Variants in NUDT19 observed in about 807,000 individuals in gnomAD.
NUDT19 encodes the protein nudix hydrolase 19.
In NUDT19, 31 loss-of-function variants were observed where a neutral mutation model predicts 22.2. The observed-to-expected ratio is 1.40, with a 90% CI of 1.05 to 1.89. The LOEUF (loss-of-function observed/expected upper bound fraction) is 1.89, where lower values mean the gene tolerates loss of function less well. NUDT19 is among the 40% of genes most tolerant of loss of function. NUDT19 has a pLI of 0.00. For missense variants in NUDT19, 752 were observed against 514.2 expected (o/e 1.46, Z -4.47); for synonymous variants, 325 against 230.8 (o/e 1.41, Z -3.70).
At chr19:32,693,118 T>C (rs1968221180) in intron 1 of NUDT19, among the ~76,000 whole-genome samples, 1 of 152,242 alleles carries the variant, frequency 6.6e-6, no homozygotes, top group Non-Finnish European at 1.5e-5. Flanking sequence ...TGTCCAGAAT[T>C]GGTTCCTTCC....
intron 1 of NUDT19, among the ~76,000 whole-genome samples, chr19:32,693,746 T>A (rs1244164976): frequency 2.0e-5 from 3 of 152,204 alleles, no homozygotes; most frequent in African/African-American, 7.2e-5. Flanking sequence ...GAGCACTGAT[T>A]GGTGCGTTTT....
chr19:32,703,935 T>C (rs1968361525), intron 1 of NUDT19, among the ~76,000 whole-genome samples: 1 of 152,146 alleles, frequency 6.6e-6, no homozygotes, highest in Admixed American at 6.6e-5. Flanking sequence ...AGTGCTGGGA[T>C]CACAGGCATG....
intron 1 of NUDT19, among the ~76,000 whole-genome samples, chr19:32,705,338 C>T (rs536124893): frequency 4.6e-5 from 7 of 150,764 alleles, no homozygotes; most frequent in East Asian, 4.0e-4. Context: ...GCAGGAGAAT[C>T]GCTTGAACCC....
intron 1 of NUDT19, among the ~76,000 whole-genome samples, chr19:32,706,571 TA>T (rs1968389272): frequency 6.6e-6 from 1 of 151,992 alleles, no homozygotes; most frequent in African/African-American, 2.4e-5. Flanking sequence ...TAATCCCAGC[TA>T]CTCGGGAGGC....
In NUDT19 at chr19:32,691,940, G is replaced by A; in HGVS notation, c.-21G>A. On this transcript the variant is annotated 5_prime_UTR_variant, in exon 1 of 3. Coordinates refer to ENST00000397061, the MANE Select transcript of NUDT19 (RefSeq NM_001105570.2). Reference sequence around the variant, plus strand: ...GTGGAGCTCAGGCCGCGCCAGAATCGGATCCGGGAAGCTGCGCGCCATGAG... The same window carrying A: ...GTGGAGCTCAGGCCGCGCCAGAATCAGATCCGGGAAGCTGCGCGCCATGAG... 1 of 1,210,266 alleles carries A rather than the reference G, an allele frequency of 8.3e-7. No homozygotes were observed. Among genetic ancestry groups the A allele is most frequent in the East Asian group, 3.3e-5 (1 of 30,496 alleles). The allele number at this position is 1,210,266 out of a possible 1,614,324, so 75.0% of individuals were successfully genotyped here.
intron 1 of NUDT19, among the ~76,000 whole-genome samples, chr19:32,708,669 C>T (rs1308411454): frequency 3.3e-5 from 5 of 152,130 alleles, no homozygotes; most frequent in Admixed American, 3.3e-4. Flanking sequence ...GCTTCACCGC[C>T]GTTGTACCAT....
chr19:32,695,285 T>G (rs1223167333), intron 1 of NUDT19, among the ~76,000 whole-genome samples: 1 of 152,172 alleles, frequency 6.6e-6, no homozygotes, highest in Non-Finnish European at 1.5e-5. Context: ...GTTCAAGCAA[T>G]TCTCCTGCCT....
intron 1 of NUDT19, among the ~76,000 whole-genome samples, chr19:32,694,783 C>A (rs1359287752): frequency 5.9e-5 from 9 of 152,222 alleles, no homozygotes; most frequent in Admixed American, 2.6e-4. Flanking sequence ...GTATAGATGG[C>A]TCCTTCCTGA....
intron 1 of NUDT19, among the ~76,000 whole-genome samples, chr19:32,701,789 C>T (rs950223100): frequency 1.3e-5 from 2 of 152,162 alleles, no homozygotes; most frequent in Non-Finnish European, 2.9e-5. Context: ...TATAGCCCCT[C>T]TGACTTTCTT....
intron 1 of NUDT19, among the ~76,000 whole-genome samples, chr19:32,704,603 T>G (rs890633194): frequency 1.3e-5 from 2 of 152,256 alleles, no homozygotes; most frequent in African/African-American, 4.8e-5. Context: ...TGTTGATCTT[T>G]TCCTTTGTAT....
At chr19:32,704,909 C>A (rs1279355057) in intron 1 of NUDT19, among the ~76,000 whole-genome samples, 1 of 151,338 alleles carries the variant, frequency 6.6e-6, no homozygotes, top group Non-Finnish European at 1.5e-5. Context: ...AAGTTCTAGA[C>A]CAGCCTGGCC....
At chr19:32,698,872 T>C (rs1234431006) in intron 1 of NUDT19, among the ~76,000 whole-genome samples, 1 of 152,168 alleles carries the variant, frequency 6.6e-6, no homozygotes, top group Non-Finnish European at 1.5e-5. Context: ...CCTGTTAGTA[T>C]TGGGACCTTA....
At chr19:32,701,835 A>T (rs1968339267) in intron 1 of NUDT19, among the ~76,000 whole-genome samples, 1 of 152,026 alleles carries the variant, frequency 6.6e-6, no homozygotes, top group Non-Finnish European at 1.5e-5. Flanking sequence ...ATCCTTTTAA[A>T]CTATCTGTGT....
rs776126058 is a variant in NUDT19 at position 32,709,343 on chromosome 19, G to A, written c.873G>A (p.Trp291Ter). 1 of 1,614,168 alleles carries A rather than the reference G, an allele frequency of 6.2e-7. No homozygotes were observed. ...GTGCATTAGAAGGACTGGAAAGGTGGCTGCCGATCATCTTGTTAACTGCTG... is the reference window on the plus strand; with the variant it reads ...GTGCATTAGAAGGACTGGAAAGGTGACTGCCGATCATCTTGTTAACTGCTG... ...LGRALEGLER[W>*]LPIILLTADG... The change falls in exon 2 of 3, where the codon TGG becomes TGA. Residue 291 changes from tryptophan (W) to a stop codon, truncating the protein, a stop_gained. Coordinates refer to ENST00000397061, the MANE Select transcript of NUDT19 (RefSeq NM_001105570.2). LOFTEE classifies it low-confidence loss of function (END_TRUNC).
At chr19:32,693,857 C>A (rs1599795655) in intron 1 of NUDT19, among the ~76,000 whole-genome samples, 1 of 152,304 alleles carries the variant, frequency 6.6e-6, no homozygotes, top group Non-Finnish European at 1.5e-5. Context: ...ACCTCTCAAT[C>A]CCGCCTCTAA....
intron 1 of NUDT19, among the ~76,000 whole-genome samples, chr19:32,704,201 G>T (rs149434358): frequency 0.011 from 1,665 of 151,630 alleles, 39 homozygotes; most frequent in African/African-American, 0.038. Context: ...TAAAAATATT[G>T]CTCCCTTATT....
chr19:32,697,302 G>A (rs146784963), intron 1 of NUDT19, among the ~76,000 whole-genome samples: 39 of 152,246 alleles, frequency 2.6e-4, no homozygotes, highest in African/African-American at 6.7e-4. Flanking sequence ...CCCAGGGCTC[G>A]CTTTTGGAGC....
Position 32,709,349 on chromosome 19 carries a change from G to A in NUDT19, c.879G>A (p.Pro293=), listed in dbSNP as rs1160786185. 4.3e-6 allele frequency: 7 copies of A among 1,614,146 alleles called. No individual in the cohort carries two copies. Among genetic ancestry groups the A allele is most frequent in the South Asian group, 3.3e-5 (3 of 91,074 alleles). ...TAGAAGGACTGGAAAGGTGGCTGCC[G>A]ATCATCTTGTTAACTGCTGATGGGA... ...RALEGLERWL[P]IILLTADGMV... is the part of the protein sequence containing the mutation. Residue 293 remains proline, a synonymous_variant, in exon 2 of 3, where the codon CCG becomes CCA. Coordinates refer to ENST00000397061, the MANE Select transcript of NUDT19 (RefSeq NM_001105570.2).
chr19:32,702,015 C>T (rs79954382), intron 1 of NUDT19, among the ~76,000 whole-genome samples: 16 of 152,148 alleles, frequency 1.1e-4, no homozygotes, highest in Admixed American at 5.9e-4. Flanking sequence ...TCCAGGTGTG[C>T]GGGGGTCTGT....
Sources: gnomAD v4.1 joint callset for allele counts (sites outside exome capture counted in the v4.1 genomes callset) on GRCh38, gnomAD v4.1.1 for gene constraint, MANE v1.5 for transcripts, NCBI Gene and HGNC (gene_info 2026-07-23, HGNC 2026-07-21) for gene names.